The following CTTNBP2 variants were observed in gnomAD, a reference collection of about 807,000 sequenced individuals.
The protein encoded by CTTNBP2 is cortactin binding protein 2, also known as cortactin-binding protein 2.
A neutral mutation model predicts 156.9 loss-of-function variants in CTTNBP2; 108 were observed. The ratio of observed to expected loss-of-function variants is 0.69; its 90% CI spans 0.59 to 0.81. The LOEUF (loss-of-function observed/expected upper bound fraction) is 0.81, where lower values mean the gene tolerates loss of function less well. CTTNBP2 is among the 30% of genes least tolerant of loss of function. The pLI is 0.00. For synonymous variants in CTTNBP2, 767 were observed against 751.8 expected (o/e 1.02, Z -0.33); for missense variants, 1,924 against 2,035.4 (o/e 0.95, Z 1.05).
chr7:117,824,473 AC>A (rs1399876240), intron 2 of CTTNBP2, among the ~76,000 whole-genome samples: 3 of 152,136 alleles, frequency 2.0e-5, no homozygotes, highest in African/African-American at 7.2e-5. Context: ...TAAGTTTGTT[AC>A]TGATTCAATT....
At chr7:117,823,121 GTCTT>G (rs1169052584) in intron 2 of CTTNBP2, among the ~76,000 whole-genome samples, 11 of 151,954 alleles carry the variant, frequency 7.2e-5, no homozygotes, top group African/African-American at 2.4e-4. Context: ...TGTTTCCTTT[GTCTT>G]TCTATTTATA....
chr7:117,802,833 T>C (rs765995384), intron 3 of CTTNBP2, among the ~76,000 whole-genome samples: 7 of 152,140 alleles, frequency 4.6e-5, no homozygotes, highest in Non-Finnish European at 1.0e-4. Flanking sequence ...CACAATGAGA[T>C]ACCACTTCAC....
Position 117,798,171 on chromosome 7 carries a change from C to T in CTTNBP2, c.415-5390G>A, listed in dbSNP as rs375247307. Among the ~76,000 whole-genome samples, 4 of 152,130 alleles carry T rather than the reference C, an allele frequency of 2.6e-5. No homozygotes were observed. The East Asian group carries it at 7.7e-4, about 29-fold the overall frequency. ...AATACAGGAAAAATAGACAAATCTACAATAATAACAATATCTCACTTAAAA... is the reference window on the plus strand; with the variant it reads ...AATACAGGAAAAATAGACAAATCTATAATAATAACAATATCTCACTTAAAA... On this transcript the variant is annotated intron_variant, in intron 3 of 22. Transcript: ENST00000160373.
chr7:117,850,448 A>T (rs1441585519), intron 2 of CTTNBP2, among the ~76,000 whole-genome samples: 1 of 152,180 alleles, frequency 6.6e-6, no homozygotes, highest in Non-Finnish European at 1.5e-5. Flanking sequence ...ATGACAGATA[A>T]ATAGGAGAGA....
At chr7:117,740,296 A>T (rs1795927700) in intron 14 of CTTNBP2, among the ~76,000 whole-genome samples, 1 of 139,116 alleles carries the variant, frequency 7.2e-6, no homozygotes, top group African/African-American at 3.0e-5. Flanking sequence ...CTAATTATTT[A>T]AAATACTTTT....
chr7:117,777,485 A>G, intron 8 of CTTNBP2, 26 bp downstream of exon 8: 1 of 1,599,114 alleles, frequency 6.3e-7, no homozygotes, highest in Non-Finnish European at 8.5e-7. Context: ...CAGCTGCATG[A>G]TGAGGCCAGC....
At chr7:117,871,676 A>AG (rs1247991066) in intron 1 of CTTNBP2, 1 of 166,894 alleles carries the variant, frequency 6.0e-6, no homozygotes, top group East Asian at 1.9e-4. Flanking sequence ...ACAGACCATC[A>AG]GTCAGATGTT....
intron 9 of CTTNBP2, among the ~76,000 whole-genome samples, chr7:117,763,402 C>T (rs780802748): frequency 6.6e-6 from 1 of 152,124 alleles, no homozygotes; most frequent in Non-Finnish European, 1.5e-5. Context: ...AAACTTGTCT[C>T]CCTGTTAGCG....
intron 17 of CTTNBP2, 59 bp from the exon 18 acceptor site, chr7:117,725,316 A>G (rs967913384): frequency 9.6e-6 from 14 of 1,460,154 alleles, no homozygotes; most frequent in Admixed American, 1.7e-5. Flanking sequence ...ATTATACACA[A>G]TTCCGTGAAA....
chr7:117,758,485 T>TGGG (rs1797011862), intron 10 of CTTNBP2, among the ~76,000 whole-genome samples: 2 of 152,060 alleles, frequency 1.3e-5, no homozygotes, highest in African/African-American at 2.4e-5. Context: ...CTCTGCTCAC[T>TGGG]CTTGTTCTGA....
At chr7:117,843,471 G>A (rs886373967) in intron 2 of CTTNBP2, among the ~76,000 whole-genome samples, 39 of 152,188 alleles carry the variant, frequency 2.6e-4, no homozygotes, top group Non-Finnish European at 4.7e-4. Flanking sequence ...AGGAGCTACA[G>A]GTCCATTTAG....
Position 117,791,126 on chromosome 7 carries a change from A to T in CTTNBP2, c.2068+2T>A. 1 of 1,611,022 alleles carries T rather than the reference A, an allele frequency of 6.2e-7. No individual in the cohort carries two copies. On this transcript the variant is annotated splice_donor_variant, in intron 4 of 22. Coordinates refer to ENST00000160373, the MANE Select transcript of CTTNBP2 (RefSeq NM_033427.3). LOFTEE classifies it high-confidence loss of function. Reference sequence around the variant, plus strand: ...AAGCGTATAACATTTCAATCCCTTTACCTGATGCTGTTACCAGGAGGCTGT... The same window carrying T: ...AAGCGTATAACATTTCAATCCCTTTTCCTGATGCTGTTACCAGGAGGCTGT...
chr7:117,749,221 T>G (rs976032614), intron 12 of CTTNBP2, among the ~76,000 whole-genome samples: 13 of 152,198 alleles, frequency 8.5e-5, no homozygotes, highest in African/African-American at 2.4e-5. Context: ...TATTCGTTTA[T>G]GTACTATGAA....
chr7:117,822,381 T>G (rs7802823), intron 2 of CTTNBP2, among the ~76,000 whole-genome samples: 87,247 of 151,092 alleles, frequency 0.58, 25,158 homozygotes, highest in East Asian at 0.74. Context: ...TTTCATTGAC[T>G]GCTTCTTTTA....
At chr7:117,726,723 G>T (rs926805685) in intron 17 of CTTNBP2, among the ~76,000 whole-genome samples, 3 of 152,174 alleles carry the variant, frequency 2.0e-5, no homozygotes, top group Admixed American at 1.3e-4. Flanking sequence ...ACCTTGGAGG[G>T]ATGGGAAGGG....
In CTTNBP2 at chr7:117,791,367, T is replaced by G. The variant is rs1316616456; in HGVS notation, c.1829A>C (p.Gln610Pro). The G allele has an allele frequency of 1.1e-5, 18 of 1,614,022 alleles. No homozygotes were observed. Among genetic ancestry groups the G allele is most frequent in the African/African-American group, 2.7e-5 (2 of 74,922 alleles). The stretch of plus-strand genomic sequence containing the variant: ...ATCTATGGATGGTTTTGGTGGCAGC[T>G]GAGGGGAGGATGACTTAGGAAGGTT... The part of the protein sequence containing the change: ...EENLPKSSSP[Q>P]LPPKPSIDLT... The change falls in exon 4 of 23, where the codon CAG becomes CCG. Residue 610 changes from glutamine to proline, a missense_variant. Physicochemically the swap from Gln to Pro is moderately conservative, Grantham distance 76. Transcript: ENST00000160373.
At position 117,780,481 on chromosome 7, in the gene CTTNBP2, A is replaced by T; in HGVS notation, c.2483T>A (p.Leu828His). 1.9e-6 allele frequency: 3 copies of T among 1,593,812 alleles called. No individual in the cohort carries two copies. The highest frequency in any genetic ancestry group is 2.6e-6 in the Non-Finnish European group (3 of 1,172,224). ...TCGATTGGTTCCAGCTTCCAACAAG[A>T]GTTTAATACATTCTTTATTTCCATT... Reference protein sequence around the residue: ...CKNGNKECIKLLLEAGTNRSV... With the variant: ...CKNGNKECIKHLLEAGTNRSV... The change falls in exon 7 of 23, where the codon CTC becomes CAC. Residue 828 changes from leucine to histidine, a missense_variant. Leu to His is a moderately conservative substitution (Grantham distance 99). Transcript: ENST00000160373.
chr7:117,756,634 C>T lies in CTTNBP2; in HGVS notation c.3269G>A (p.Gly1090Asp). The T allele has an allele frequency of 6.2e-7, 1 of 1,609,296 alleles. No individual in the cohort carries two copies. The change falls in exon 12 of 23, where the codon GGT (glycine) becomes GAT (aspartate). Residue 1090 changes from glycine (G) to aspartate (D), a missense_variant and splice_region_variant. Physicochemically the swap from Gly to Asp is moderately conservative, Grantham distance 94. Transcript: ENST00000160373. Reference protein sequence around the residue: ...KAEHITVLLSGPQEGCLSSVT... With the variant: ...KAEHITVLLSDPQEGCLSSVT... Reference sequence around the variant, plus strand: ...ACTACTGAGACAGCCTTCTTGAGGACCTGTAGGAAAGGACAGACGAAGAAA... The same window carrying T: ...ACTACTGAGACAGCCTTCTTGAGGATCTGTAGGAAAGGACAGACGAAGAAA...
intron 2 of CTTNBP2, among the ~76,000 whole-genome samples, chr7:117,821,822 C>T (rs1460796323): frequency 1.3e-5 from 2 of 152,066 alleles, no homozygotes; most frequent in Non-Finnish European, 1.5e-5. Context: ...GATCTCCTGA[C>T]CTTGTGATCC....
Sources: gnomAD v4.1 joint callset for allele counts (sites outside exome capture counted in the v4.1 genomes callset) on GRCh38, gnomAD v4.1.1 for gene constraint, MANE v1.5 for transcripts, NCBI Gene and HGNC (gene_info 2026-07-23, HGNC 2026-07-21) for gene names.